BPGM: variants seen among roughly 807,000 people sequenced by gnomAD.
The protein encoded by BPGM is 2,3-bisphosphoglycerate mutase, erythrocyte.
A neutral mutation model predicts 21.6 loss-of-function variants in BPGM; 15 were observed. The observed-to-expected ratio is 0.70, with a 90% confidence interval of 0.47 to 1.07. The LOEUF is 1.07. BPGM is among the 50% of genes least tolerant of loss of function. The pLI is 0.00. For synonymous variants in BPGM, 113 were observed against 116.2 expected (o/e 0.97, Z 0.18); for missense variants, 273 against 319.0 (o/e 0.86, Z 1.10).
At chr7:134,666,233 A>G (rs1795819625) in intron 2 of BPGM, among the ~76,000 whole-genome samples, 1 of 152,174 alleles carries the variant, frequency 6.6e-6, no homozygotes, top group Admixed American at 6.5e-5. Context: ...CTATTACCAT[A>G]AACAGGCTTT....
At chr7:134,666,681 G>C (rs1457904337) in intron 2 of BPGM, among the ~76,000 whole-genome samples, 3 of 152,144 alleles carry the variant, frequency 2.0e-5, no homozygotes, top group African/African-American at 7.2e-5. Flanking sequence ...GTTCTCTACT[G>C]TGACTTAACT....
chr7:134,670,017 T>C (rs1261719213), intron 2 of BPGM, among the ~76,000 whole-genome samples: 1 of 152,130 alleles, frequency 6.6e-6, no homozygotes, highest in African/African-American at 2.4e-5. Context: ...TTCTCTGTGG[T>C]TGGCATAGTC....
chr7:134,663,124 C>T (rs1213792868), intron 2 of BPGM, among the ~76,000 whole-genome samples: 2 of 152,184 alleles, frequency 1.3e-5, no homozygotes, highest in Non-Finnish European at 1.5e-5. Context: ...TTTCATTCTG[C>T]TTTAATTTTC....
intron 1 of BPGM, among the ~76,000 whole-genome samples, chr7:134,651,193 A>G (rs1362918273): frequency 6.6e-6 from 1 of 151,978 alleles, no homozygotes; most frequent in East Asian, 1.9e-4. Context: ...AATCTAAGTG[A>G]CTCTGGTTCT....
intron 2 of BPGM, 122 bp from the exon 3 acceptor site, chr7:134,678,731 C>A: frequency 1.0e-6 from 1 of 992,466 alleles, no homozygotes; most frequent in Non-Finnish European, 1.6e-6. Flanking sequence ...AGCTGGAATC[C>A]CTCAGTACCT....
Position 134,678,913 on chromosome 7 carries a change from A to G in BPGM, c.662A>G (p.Glu221Gly), listed in dbSNP as rs777150357. 2 of 1,614,118 alleles carry G rather than the reference A, an allele frequency of 1.2e-6. No homozygotes were observed. Among genetic ancestry groups the G allele is most frequent in the Non-Finnish European group, 1.7e-6 (2 of 1,179,940 alleles). The change falls in exon 3 of 3, where the codon GAA becomes GGA. Residue 221 changes from glutamate (E) to glycine (G), a missense_variant. Physicochemically the swap from Glu to Gly is moderately conservative, Grantham distance 98 (BLOSUM62 -2). Transcript: ENST00000344924. ...CCTACTGGAGTCCCCATTCTTCTGG[A>G]ATTGGATGAAAACCTGCGTGCTGTT... ...TLPTGVPILLELDENLRAVGP... is the reference protein window; with the variant it reads ...TLPTGVPILLGLDENLRAVGP...
intron 1 of BPGM, chr7:134,647,157 C>T (rs1260436576): frequency 6.6e-6 from 1 of 152,650 alleles, no homozygotes; most frequent in African/African-American, 2.4e-5. Context: ...AGGCAGTCAC[C>T]GTTCTGTCAA....
At chr7:134,657,001 G>A (rs1795649191) in intron 1 of BPGM, among the ~76,000 whole-genome samples, 1 of 152,148 alleles carries the variant, frequency 6.6e-6, no homozygotes, top group South Asian at 2.1e-4. Context: ...GTTCCAAATG[G>A]GAGAAATTGG....
intron 2 of BPGM, among the ~76,000 whole-genome samples, chr7:134,673,832 G>A (rs920948070): frequency 2.6e-5 from 4 of 151,468 alleles, no homozygotes; most frequent in African/African-American, 9.7e-5. Flanking sequence ...AGTTTAAAAA[G>A]GTCCATTTTT....
chr7:134,662,946 C>A (rs1437193657), intron 2 of BPGM, among the ~76,000 whole-genome samples: 1 of 152,220 alleles, frequency 6.6e-6, no homozygotes, highest in South Asian at 2.1e-4. Flanking sequence ...GTGACACCTT[C>A]TGGATTTCTC....
intron 2 of BPGM, among the ~76,000 whole-genome samples, chr7:134,670,297 G>T (rs58525574): frequency 0.12 from 18,684 of 152,184 alleles, 1,290 homozygotes; most frequent in Middle Eastern, 0.2. Context: ...GGAAAGGTCA[G>T]CTGGGACTAG....
At position 134,661,553 on chromosome 7, in the gene BPGM, T is replaced by G. The variant is rs759239732; in HGVS notation, c.46T>G (p.Trp16Gly). 2 of 1,614,166 alleles carry G rather than the reference T, an allele frequency of 1.2e-6. No individual in the cohort carries two copies. Among genetic ancestry groups the G allele is most frequent in the East Asian group, 4.5e-5 (2 of 44,884 alleles). ...LIMLRHGEGAWNKENRFCSWV... is the reference protein window; with the variant it reads ...LIMLRHGEGAGNKENRFCSWV... ...TATGTTAAGACATGGAGAGGGTGCTTGGAATAAGGAGAACCGTTTTTGTAG... is the reference window on the plus strand; with the variant it reads ...TATGTTAAGACATGGAGAGGGTGCTGGGAATAAGGAGAACCGTTTTTGTAG... Residue 16 changes from tryptophan (W) to glycine (G), a missense_variant, in exon 2 of 3, where the codon TGG becomes GGG. By Grantham distance (184) the Trp-to-Gly change is radical. Coordinates refer to ENST00000344924, the MANE Select transcript of BPGM (RefSeq NM_001724.5). This position sits in a 1 kb window ranked among gnomAD's most constrained non-coding sequence, Gnocchi z 4.6.
Position 134,665,649 on chromosome 7 carries a change from GAAAAAAAAAA to G in BPGM, c.601+3556_601+3565del, listed in dbSNP as rs1164169964. Among the ~76,000 whole-genome samples the G allele has an allele frequency of 9.3e-3, 727 of 78,254 alleles. 288 individuals are homozygous for G. The highest frequency in any genetic ancestry group is 0.028 in the African/African-American group (688 of 24,392). 51.3% of individuals were successfully genotyped at this position (78,254 alleles called of 152,430 possible). A position where few individuals can be genotyped will look rare whatever the true frequency, so the allele number is the denominator to read the frequency against. ...AAAATAAAATAAAATAAAAATTAATGAAAAAAAAAAAAAAAAAAAAAAAAGTGCAGCTTTG... is the reference window on the plus strand; with the variant it reads ...AAAATAAAATAAAATAAAAATTAATGAAAAAAAAAAAAAAGTGCAGCTTTG... On this transcript the variant is annotated intron_variant, in intron 2 of 2. Transcript: ENST00000344924.
At position 134,662,298 on chromosome 7, in the gene BPGM, C is replaced by A. The variant is rs555936883; in HGVS notation, c.601+190C>A. 2.0e-5 allele frequency among the ~76,000 whole-genome samples: 3 copies of A among 152,314 alleles called. No homozygotes were observed. In the East Asian group the frequency reaches 5.8e-4, roughly 29 times the overall value. On this transcript the variant is annotated intron_variant, in intron 2 of 2. Transcript: ENST00000344924. ...TGTTTTCTGTTCCTGTTACCCGAAG[C>A]AGCAGTTTTCAGACTTTAGCAAGCA...
rs112825048 is a variant in BPGM, at chr7:134,650,915, A to T, written c.-62+3978A>T. ...ACTCCAGCCTGGGCGACAGAGTGAGACTGCGTCTCAAAAGAAACATTAAAA... is the reference window on the plus strand; with the variant it reads ...ACTCCAGCCTGGGCGACAGAGTGAGTCTGCGTCTCAAAAGAAACATTAAAA... On this transcript the variant is annotated intron_variant, in intron 1 of 2. Transcript: ENST00000344924. Among the ~76,000 whole-genome samples the T allele has an allele frequency of 3.0e-3, 462 of 152,354 alleles. 4 individuals are homozygous for T. The highest frequency in any genetic ancestry group is 0.011 in the African/African-American group (447 of 41,586).
intron 1 of BPGM, among the ~76,000 whole-genome samples, chr7:134,658,947 T>C (rs906847321): frequency 2.7e-5 from 4 of 149,874 alleles, no homozygotes; most frequent in African/African-American, 9.8e-5. Context: ...TAAGCAAATA[T>C]AGGAGAATAA....
chr7:134,657,579 G>A (rs1795660194), intron 1 of BPGM, among the ~76,000 whole-genome samples: 1 of 152,198 alleles, frequency 6.6e-6, no homozygotes, highest in African/African-American at 2.4e-5. Flanking sequence ...GGTCAGTGGA[G>A]GAAGCAGGAC....
chr7:134,673,903 CTTTTTTTT>C (rs11408520), intron 2 of BPGM, among the ~76,000 whole-genome samples: 1 of 122,222 alleles, frequency 8.2e-6, no homozygotes, highest in Non-Finnish European at 1.7e-5. Context: ...GATCTGTTTC[CTTTTTTTT>C]TTTTTTTTTT....
chr7:134,671,519 G>A (rs1055728062), intron 2 of BPGM, among the ~76,000 whole-genome samples: 17 of 151,746 alleles, frequency 1.1e-4, no homozygotes, highest in Admixed American at 9.9e-4. Flanking sequence ...CCGCCACCAC[G>A]CCCGGCTAAT....
Sources: gnomAD v4.1 joint callset for allele counts (sites outside exome capture counted in the v4.1 genomes callset) on GRCh38, gnomAD v4.1.1 for gene constraint, Gnocchi (gnomAD v3.1) non-coding constraint, MANE v1.5 for transcripts, NCBI Gene and HGNC (gene_info 2026-07-23, HGNC 2026-07-21) for gene names.